The following ATP1A4 variants were observed in gnomAD, a reference collection of about 807,000 sequenced individuals.
The protein encoded by ATP1A4 is sodium/potassium-transporting ATPase subunit alpha-4.
ATP1A4 carries 90 observed loss-of-function variants against 114.3 expected under a neutral mutation model. The ratio of observed to expected loss-of-function variants is 0.79; its 90% CI spans 0.66 to 0.94. ATP1A4 has a LOEUF of 0.94. ATP1A4 is among the 40% of genes least tolerant of loss of function. ATP1A4 has a pLI of 0.00. For missense variants in ATP1A4, 1,222 were observed against 1,313.6 expected, an observed-to-expected ratio of 0.93 and a Z score of 1.08; for synonymous variants, 511 against 494.1, an observed-to-expected ratio of 1.03 and a Z score of -0.45.
In ATP1A4 at chr1:160,174,438, A is replaced by G. The variant is rs12402300; in HGVS notation, c.2143-141A>G. 4.0e-3 allele frequency: 5,746 copies of G among 1,429,868 alleles called. 160 individuals carry two copies. In the East Asian group the frequency reaches 0.067, roughly 17 times the overall value. The allele number at this position is 1,429,868 out of a possible 1,614,324, so 88.6% of individuals were successfully genotyped here. On this transcript the variant is annotated intron_variant, in intron 14 of 21. Transcript: ENST00000368081. The stretch of plus-strand genomic sequence containing the variant: ...TCCCTGAAAGTTTAAATATCTCAGG[A>G]GGAGTGGGAGAAGGACGGGAGCCCT...
Position 160,176,114 on chromosome 1 carries a change from GA to G in ATP1A4, c.2336del (p.Lys779ArgfsTer8). 1 of 1,614,092 alleles carries G rather than the reference GA, an allele frequency of 6.2e-7. No individual in the cohort carries two copies. Among genetic ancestry groups the G allele is most frequent in the Non-Finnish European group, 8.5e-7 (1 of 1,180,018 alleles). ...EEGRLIFDNL[K>X]KSIMYTLTSN... ...CAGGCCGCCTGATCTTTGACAACCT[GA>G]AGAAATCCATCATGTACACCCTGAC... On this transcript the variant is annotated frameshift_variant, in exon 16 of 22. Transcript: ENST00000368081. LOFTEE classifies it high-confidence loss of function.
chr1:160,163,246 C>A (rs545966381), intron 6 of ATP1A4, among the ~76,000 whole-genome samples: 1 of 152,242 alleles, frequency 6.6e-6, no homozygotes, highest in African/African-American at 2.4e-5. Context: ...TTCTCCCCAC[C>A]AACAACCAGT....
In ATP1A4 at chr1:160,166,919, C is replaced by T. The variant is rs759965752; in HGVS notation, c.1247-49C>T. 3.1e-6 allele frequency: 5 copies of T among 1,589,404 alleles called. No homozygotes were observed. The South Asian group carries it at 5.5e-5, about 18-fold the overall frequency. ...CAAAGAGGATGTGAATAACCGCTTG[C>T]TTAAAATTCTCATTCCCTGCTCACA... On this transcript the variant is annotated intron_variant, in intron 8 of 21. Coordinates refer to ENST00000368081, the MANE Select transcript of ATP1A4 (RefSeq NM_144699.4).
At chr1:160,164,121 C>A in intron 6 of ATP1A4, 35 bp from the exon 7 acceptor site, 1 of 1,606,514 alleles carries the variant, frequency 6.2e-7, no homozygotes, top group Non-Finnish European at 8.5e-7. Flanking sequence ...TATCATATCA[C>A]AACATCACAT....
intron 6 of ATP1A4, among the ~76,000 whole-genome samples, chr1:160,161,449 C>T (rs1652860151): frequency 6.6e-6 from 1 of 152,132 alleles, no homozygotes; most frequent in African/African-American, 2.4e-5. Context: ...GGATGCTTGG[C>T]CTTCTCAGCC....
chr1:160,185,915 T>A (rs1571041336), intron 20 of ATP1A4, among the ~76,000 whole-genome samples: 2 of 125,024 alleles, frequency 1.6e-5, no homozygotes, highest in African/African-American at 3.2e-5. Context: ...TGAGACTCCG[T>A]CTCAAAAAAA....
At chr1:160,183,942 T>A (rs1418749607) in intron 20 of ATP1A4, among the ~76,000 whole-genome samples, 1 of 149,242 alleles carries the variant, frequency 6.7e-6, no homozygotes, top group Non-Finnish European at 1.5e-5. Context: ...TAAAATATCT[T>A]ATTGATAATG....
At chr1:160,154,157 C>A (rs553111043) in intron 2 of ATP1A4, among the ~76,000 whole-genome samples, 58 of 152,168 alleles carry the variant, frequency 3.8e-4, no homozygotes, top group African/African-American at 1.2e-3. Flanking sequence ...AGTTGGAGAC[C>A]AGCCTGGCCA....
chr1:160,186,614 C>T, intron 21 of ATP1A4, 57 bp from the exon 22 acceptor site: 2 of 1,583,552 alleles, frequency 1.3e-6, no homozygotes, highest in African/African-American at 1.3e-5. Context: ...CTGCCTGTCT[C>T]CCCTGGATGC....
chr1:160,174,763 G>GC lies in ATP1A4; in HGVS notation c.2311+19dup, dbSNP rs1187813075. On this transcript the variant is annotated intron_variant, in intron 15 of 21. Transcript: ENST00000368081. Reference sequence around the variant, plus strand: ...GTGGAGGAGGGTGAGGAGGCAGGGTGCCCATGGTGGAGACTTCAACCCTGG... The same window carrying GC: ...GTGGAGGAGGGTGAGGAGGCAGGGTGCCCCATGGTGGAGACTTCAACCCTGG... The GC allele has an allele frequency of 6.2e-7, 1 of 1,613,540 alleles. No individual in the cohort carries two copies. The highest frequency in any genetic ancestry group is 1.1e-5 in the South Asian group (1 of 91,032).
intron 6 of ATP1A4, among the ~76,000 whole-genome samples, chr1:160,163,563 A>G (rs1180777439): frequency 6.6e-6 from 1 of 152,208 alleles, no homozygotes; most frequent in Non-Finnish European, 1.5e-5. Flanking sequence ...AGAGACGCAC[A>G]GGACAAGGCA....
chr1:160,160,405 T>A (rs1652828915), intron 6 of ATP1A4, among the ~76,000 whole-genome samples: 1 of 152,050 alleles, frequency 6.6e-6, no homozygotes, highest in Admixed American at 6.5e-5. Context: ...TTAGTAGAGA[T>A]GGGTTTTCAC....
Position 160,173,661 on chromosome 1 carries a change from G to C in ATP1A4, c.1935G>C (p.Glu645Asp). Residue 645 changes from glutamate (E) to aspartate (D), a missense_variant, in exon 13 of 22, where the codon GAG becomes GAC. Glu to Asp is a conservative substitution (Grantham distance 45). Coordinates refer to ENST00000368081, the MANE Select transcript of ATP1A4 (RefSeq NM_144699.4). ...TGGGCATCATCTCAGAAGGCACTGA[G>C]ACGGCAGAGGAAGTCGCTGCCCGGC... ...KGVGIISEGTETAEEVAARLK... is the reference protein window; with the variant it reads ...KGVGIISEGTDTAEEVAARLK... 1.2e-6 allele frequency: 2 copies of C among 1,614,168 alleles called. No homozygotes were observed. The highest frequency in any genetic ancestry group is 1.7e-6 in the Non-Finnish European group (2 of 1,180,030).
chr1:160,186,086 C>CAAAAAAAAAAAAAAAAAAAAA lies in ATP1A4; in HGVS notation c.2970-188_2970-168dup, dbSNP rs527303426. ...TGGGCAACAGAACAAGACTCTGTCG[C>CAAAAAAAAAAAAAAAAAAAAA]AAAAAAAAAAAAAAAAAAAAAAGGG... On this transcript the variant is annotated intron_variant, in intron 20 of 21. Coordinates refer to ENST00000368081, the MANE Select transcript of ATP1A4 (RefSeq NM_144699.4). Among the ~76,000 whole-genome samples, 22 of 32,790 alleles carry CAAAAAAAAAAAAAAAAAAAAA rather than the reference C, an allele frequency of 6.7e-4. 4 individuals carry two copies. Among genetic ancestry groups the CAAAAAAAAAAAAAAAAAAAAA allele is most frequent in the Admixed American group, 1.7e-3 (3 of 1,758 alleles). 21.5% of individuals were successfully genotyped at this position (32,790 alleles called of 152,430 possible). A position where few individuals can be genotyped will look rare whatever the true frequency, so the allele number is the denominator to read the frequency against.
intron 20 of ATP1A4, among the ~76,000 whole-genome samples, chr1:160,185,197 C>A (rs1464434713): frequency 6.6e-6 from 1 of 151,956 alleles, no homozygotes; most frequent in African/African-American, 2.4e-5. Context: ...ACTGCAACCT[C>A]CGCCTCCCGG....
Position 160,176,087 on chromosome 1 carries a change from C to T in ATP1A4, c.2312-5C>T, listed in dbSNP as rs550471640. On this transcript the variant is annotated splice_polypyrimidine_tract_variant and splice_region_variant and intron_variant, in intron 15 of 21. Coordinates refer to ENST00000368081, the MANE Select transcript of ATP1A4 (RefSeq NM_144699.4). ...TTCTCACAGGAGGTTGACCTTCCTC[C>T]CCAGGCCGCCTGATCTTTGACAACC... is the stretch of plus-strand genomic sequence containing the variant. 1.2e-6 allele frequency: 2 copies of T among 1,614,078 alleles called. No individual in the cohort carries two copies. Among genetic ancestry groups the T allele is most frequent in the East Asian group, 4.5e-5 (2 of 44,876 alleles).
intron 6 of ATP1A4, 111 bp from the exon 7 acceptor site, chr1:160,164,045 T>C: frequency 7.3e-7 from 1 of 1,374,472 alleles, no homozygotes; most frequent in Non-Finnish European, 9.9e-7. Context: ...CTAGCACCCC[T>C]ATCTTTAAGG....
chr1:160,156,229 C>A, intron 4 of ATP1A4, 71 bp downstream of exon 4: 1 of 1,063,368 alleles, frequency 9.4e-7, no homozygotes, highest in Non-Finnish European at 1.5e-6. Flanking sequence ...GATGAAGTCC[C>A]GTGGAAAATT....
At chr1:160,163,730 T>C (rs1652937366) in intron 6 of ATP1A4, among the ~76,000 whole-genome samples, 1 of 152,150 alleles carries the variant, frequency 6.6e-6, no homozygotes, top group Non-Finnish European at 1.5e-5. Flanking sequence ...GTTACATTAT[T>C]AGCCATTGGT....
Sources: allele counts gnomAD v4.1 joint callset (sites outside exome capture counted in the v4.1 genomes callset), GRCh38; gene constraint gnomAD v4.1.1; transcripts MANE v1.5; gene names NCBI Gene and HGNC (gene_info 2026-07-23, HGNC 2026-07-21).